Variants in CA12 observed in about 807,000 individuals in gnomAD.
CA12 encodes the protein carbonic anhydrase 12.
Under a neutral mutation model 46.8 loss-of-function variants are expected in CA12, and 36 were observed. The observed-to-expected ratio is 0.77, with a 90% CI of 0.59 to 1.02. The LOEUF (loss-of-function observed/expected upper bound fraction) is 1.02, where lower values mean the gene tolerates loss of function less well. Among genes scored for constraint, CA12 ranks in the 50% least tolerant of loss-of-function variants. The pLI, the probability that CA12 is intolerant of heterozygous loss-of-function variation, is 0.00. For synonymous variants in CA12, 202 were observed against 187.0 expected (o/e 1.08, Z -0.65); for missense variants, 436 against 451.4 (o/e 0.97, Z 0.31).
rs201908238 is a variant in CA12 at position 63,327,273 on chromosome 15, T to A, written c.908-40A>T. On this transcript the variant is annotated intron_variant, in intron 9 of 10. Transcript: ENST00000178638. This position sits in a 1 kb window ranked among gnomAD's most constrained non-coding sequence, Gnocchi z 4.5. The stretch of plus-strand genomic sequence containing the variant: ...GAGGGCACACATTACATTCCTTCCT[T>A]CCCCTCCATCTTAGCCCATGGCCCC... 1.3e-6 allele frequency: 2 copies of A among 1,535,086 alleles called. No individual in the cohort carries two copies. The highest frequency in any genetic ancestry group is 4.5e-5 in the East Asian group (2 of 44,168).
intron 8 of CA12, among the ~76,000 whole-genome samples, chr15:63,338,161 A>C (rs1294717827): frequency 6.6e-6 from 1 of 152,112 alleles, no homozygotes; most frequent in Non-Finnish European, 1.5e-5. Flanking sequence ...TGAAAGGGAG[A>C]CCCGAGCCCT....
chr15:63,368,931 G>A (rs1209143014), intron 2 of CA12, among the ~76,000 whole-genome samples: 4 of 143,706 alleles, frequency 2.8e-5, no homozygotes. Flanking sequence ...AGCCCCCATG[G>A]GCTAGACAGG....
At chr15:63,332,946 T>C (rs2038954583) in intron 8 of CA12, among the ~76,000 whole-genome samples, 1 of 152,176 alleles carries the variant, frequency 6.6e-6, no homozygotes, top group African/African-American at 2.4e-5. Flanking sequence ...AATATGTACG[T>C]ATTGTTCTTT....
At chr15:63,363,455 T>C (rs2039393088) in intron 2 of CA12, among the ~76,000 whole-genome samples, 1 of 152,232 alleles carries the variant, frequency 6.6e-6, no homozygotes, top group South Asian at 2.1e-4. Context: ...TATCTGCCTA[T>C]GCAGCTGCTG....
intron 2 of CA12, among the ~76,000 whole-genome samples, chr15:63,347,907 C>A (rs2039174198): frequency 6.6e-6 from 1 of 152,168 alleles, no homozygotes; most frequent in Admixed American, 6.5e-5. Context: ...AACACCACCT[C>A]TTCTGGGAAT....
In CA12 at chr15:63,338,828, A is replaced by G. The variant is rs1389272632; in HGVS notation, c.865T>C (p.Phe289Leu). The change falls in exon 8 of 11, where the codon TTC becomes CTC. Residue 289 changes from phenylalanine to leucine, a missense_variant. Coordinates refer to ENST00000178638, the MANE Select transcript of CA12 (RefSeq NM_001218.5). ...KFDERLVYTS[F>L]SQVQVCTAAG... ...CACTGCCTCTCCTCACCTTGGGAGA[A>G]GGAGGTGTATACCAGCCTCTCATCG... is the stretch of plus-strand genomic sequence containing the variant. 6.2e-7 allele frequency: 1 copy of G among 1,613,996 alleles called. No homozygotes were observed. Among genetic ancestry groups the G allele is most frequent in the African/African-American group, 1.3e-5 (1 of 74,910 alleles).
At chr15:63,353,069 C>A (rs1367281756) in intron 2 of CA12, among the ~76,000 whole-genome samples, 2 of 152,066 alleles carry the variant, frequency 1.3e-5, no homozygotes, top group Non-Finnish European at 2.9e-5. Context: ...CAATGGAGAA[C>A]AAAACAGCTC....
intron 2 of CA12, among the ~76,000 whole-genome samples, chr15:63,365,240 G>T (rs923615294): frequency 6.6e-6 from 1 of 152,202 alleles, no homozygotes; most frequent in African/African-American, 2.4e-5. Context: ...CCTGATGGGG[G>T]GAAGAAAAGC....
intron 2 of CA12, among the ~76,000 whole-genome samples, chr15:63,369,744 G>A (rs2039479224): frequency 1.3e-5 from 2 of 152,218 alleles, no homozygotes; most frequent in Non-Finnish European, 1.5e-5. Flanking sequence ...GACAGAAAGT[G>A]GCCTAGCAGA....
intron 8 of CA12, among the ~76,000 whole-genome samples, chr15:63,338,480 G>T (rs1044576265): frequency 3.9e-5 from 6 of 152,144 alleles, no homozygotes; most frequent in Non-Finnish European, 5.9e-5. Context: ...TCATGGAAAG[G>T]GTCCTATCCT....
chr15:63,376,600 T>TTCTTTCTTTC (rs10623502), intron 1 of CA12, among the ~76,000 whole-genome samples: 4,870 of 133,878 alleles, frequency 0.036, 106 homozygotes, highest in East Asian at 0.082. Flanking sequence ...CTTTCTTTCT[T>TTCTTTCTTTC]TCTCTCTCTC....
chr15:63,368,320 T>C (rs1433194049), intron 2 of CA12, among the ~76,000 whole-genome samples: 1 of 152,182 alleles, frequency 6.6e-6, no homozygotes, highest in Non-Finnish European at 1.5e-5. Context: ...AGACTGGCCA[T>C]GGTGCCTGCG....
In CA12 at chr15:63,372,364, GGT is replaced by G. The variant is rs2039518508; in HGVS notation, c.106+3292_106+3293del. 6.6e-6 allele frequency among the ~76,000 whole-genome samples: 1 copy of G among 152,254 alleles called. No homozygotes were observed. The highest frequency in any genetic ancestry group is 2.4e-5 in the African/African-American group (1 of 41,466). On this transcript the variant is annotated intron_variant, in intron 2 of 10. Transcript: ENST00000178638. The surrounding 1 kb of genome is among the most constrained non-coding windows in gnomAD (Gnocchi z 4.5). ...CAGCACCCTAGGAGGGGCTCAAAGA[GGT>G]GGCGCTGGCCCCATCTTGGCAGTCA...
chr15:63,376,564 T>TTCTTTCTTTCTTTCTC (rs1186062560), intron 1 of CA12, among the ~76,000 whole-genome samples: 17 of 107,570 alleles, frequency 1.6e-4, no homozygotes. Flanking sequence ...TTTCCTTTCT[T>TTCTTTCTTTCTTTCTC]TCTTTCTTTC....
In CA12 at chr15:63,340,258, G is replaced by A; in HGVS notation, c.747+30C>T. On this transcript the variant is annotated intron_variant, in intron 7 of 10. Transcript: ENST00000178638. The surrounding 1 kb of genome is among the most constrained non-coding windows in gnomAD (Gnocchi z 4.4). Reference sequence around the variant, plus strand: ...ATGATGGGGACTGAGGTGCCGCGTGGACTCTGGCTGAGTCTGGCACGACAG... The same window carrying A: ...ATGATGGGGACTGAGGTGCCGCGTGAACTCTGGCTGAGTCTGGCACGACAG... The A allele has an allele frequency of 6.2e-7, 1 of 1,613,678 alleles. No individual in the cohort carries two copies. The highest frequency in any genetic ancestry group is 1.1e-5 in the South Asian group (1 of 91,056).
intron 2 of CA12, among the ~76,000 whole-genome samples, chr15:63,353,309 T>C (rs1165575103): frequency 6.6e-6 from 1 of 152,074 alleles, no homozygotes. Context: ...GAACCAACCA[T>C]GAGTGAAACG....
Position 63,323,847 on chromosome 15 carries a change from C to T in CA12, c.*2438G>A, listed in dbSNP as rs1018394705. ...ATTTTACCAGATGATACTAACTAAA[C>T]AAACAGAACAAAGAAAGAGATTCAA... On this transcript the variant is annotated 3_prime_UTR_variant, in exon 11 of 11. Coordinates refer to ENST00000178638, the MANE Select transcript of CA12 (RefSeq NM_001218.5). This position sits in a 1 kb window ranked among gnomAD's most constrained non-coding sequence, Gnocchi z 5.1. 6.6e-6 allele frequency: 1 copy of T among 152,208 alleles called. No homozygotes were observed. The highest frequency in any genetic ancestry group is 2.4e-5 in the African/African-American group (1 of 41,454). The allele number at this position is 152,208 out of a possible 1,614,324, so 9.4% of individuals were successfully genotyped here.
rs776390714 is a variant in CA12 at position 63,355,539 on chromosome 15, G to A, written c.107-8830C>T. ...CAAGGCTGCCAGGCGATGCTGCTGCGGGCTGAGGCTGAGAAGCGCTGCACT... is the reference window on the plus strand; with the variant it reads ...CAAGGCTGCCAGGCGATGCTGCTGCAGGCTGAGGCTGAGAAGCGCTGCACT... On this transcript the variant is annotated intron_variant, in intron 2 of 10. Coordinates refer to ENST00000178638, the MANE Select transcript of CA12 (RefSeq NM_001218.5). This position sits in a 1 kb window ranked among gnomAD's most constrained non-coding sequence, Gnocchi z 4.1. Among the ~76,000 whole-genome samples, 9 of 152,238 alleles carry A rather than the reference G, an allele frequency of 5.9e-5. No individual in the cohort carries two copies. Among genetic ancestry groups the A allele is most frequent in the Non-Finnish European group, 1.0e-4 (7 of 68,044 alleles).
rs757974800 is a variant in CA12 at position 63,327,183 on chromosome 15, CCA to C, written c.956_957del (p.Val319GlyfsTer17). On this transcript the variant is annotated frameshift_variant, in exon 10 of 11. Transcript: ENST00000178638. LOFTEE classifies it high-confidence loss of function. The surrounding 1 kb of genome is among the most constrained non-coding windows in gnomAD (Gnocchi z 4.5). ...ALAGILGICI[V>X]VVVSIWLFRR... Reference sequence around the variant, plus strand: ...CTGAAAAGCCAAATGGACACCACCACCACAATACAGATGCCAAGAATGCCAGC... The same window carrying C: ...CTGAAAAGCCAAATGGACACCACCACCAATACAGATGCCAAGAATGCCAGC... The C allele has an allele frequency of 5.5e-5, 88 of 1,614,116 alleles. No homozygotes were observed. The Admixed American group carries it at 1.5e-3, about 27-fold the overall frequency.
Sources: allele counts gnomAD v4.1 joint callset (sites outside exome capture counted in the v4.1 genomes callset), GRCh38; gene constraint gnomAD v4.1.1; non-coding constraint Gnocchi (gnomAD v3.1); transcripts MANE v1.5; gene names NCBI Gene and HGNC (gene_info 2026-07-23, HGNC 2026-07-21).